Variants in SOCS5 observed in about 807,000 individuals in gnomAD.
SOCS5 encodes CIS-6.
A neutral mutation model predicts 42.8 loss-of-function variants in SOCS5; 32 were observed. The observed-to-expected ratio is 0.75, with a 90% CI of 0.56 to 1.01. The LOEUF is 1.01. Ranked by LOEUF, SOCS5 falls within the 50% of genes least tolerant of loss-of-function variation. SOCS5 has a pLI of 0.00. For synonymous variants in SOCS5, 283 were observed against 229.6 expected (o/e 1.23, Z -2.10); for missense variants, 627 against 653.0 (o/e 0.96, Z 0.43).
intron 1 of SOCS5, among the ~76,000 whole-genome samples, chr2:46,729,540 A>G (rs564912005): frequency 2.6e-5 from 4 of 152,346 alleles, no homozygotes; most frequent in South Asian, 2.1e-4. Context: ...TTGTATCACA[A>G]TGGTAAGTAT....
At chr2:46,746,312 C>G (rs565452664) in intron 1 of SOCS5, among the ~76,000 whole-genome samples, 9 of 152,244 alleles carry the variant, frequency 5.9e-5, no homozygotes, top group African/African-American at 1.9e-4. Context: ...TCTAGAATAT[C>G]TAGCATGTTT....
intron 1 of SOCS5, among the ~76,000 whole-genome samples, chr2:46,734,051 C>T (rs1042592366): frequency 6.6e-6 from 1 of 152,144 alleles, no homozygotes; most frequent in Non-Finnish European, 1.5e-5. Flanking sequence ...TTGGAATTTT[C>T]TGATCTTTGA....
intron 1 of SOCS5, among the ~76,000 whole-genome samples, chr2:46,708,608 A>G (rs867811485): frequency 1.3e-5 from 2 of 152,188 alleles, no homozygotes; most frequent in Non-Finnish European, 2.9e-5. Context: ...CATAATATTT[A>G]CCTATTACCC....
intron 1 of SOCS5, among the ~76,000 whole-genome samples, chr2:46,703,374 G>A (rs6746471): frequency 0.76 from 114,528 of 151,474 alleles, 44,075 homozygotes; most frequent in African/African-American, 0.89. Flanking sequence ...TTTCACTGAT[G>A]CAGAATTTTA....
chr2:46,743,588 G>T (rs1010733442), intron 1 of SOCS5, among the ~76,000 whole-genome samples: 5 of 152,040 alleles, frequency 3.3e-5, no homozygotes, highest in Admixed American at 6.5e-5. Flanking sequence ...CCTGTATTTT[G>T]TGCTGACCTC....
intron 1 of SOCS5, among the ~76,000 whole-genome samples, chr2:46,704,713 A>G (rs144574154): frequency 9.4e-4 from 143 of 152,312 alleles, no homozygotes; most frequent in African/African-American, 3.2e-3. Context: ...TTGGCCTCTT[A>G]TCCTTGGTTC....
chr2:46,726,752 T>G (rs1186316839), intron 1 of SOCS5, among the ~76,000 whole-genome samples: 1 of 149,962 alleles, frequency 6.7e-6, no homozygotes, highest in Non-Finnish European at 1.5e-5. Context: ...ATTATTATTA[T>G]TATTATTATT....
In SOCS5 at chr2:46,761,154, T is replaced by G. The variant is rs1330548968; in HGVS notation, c.*1013T>G. ...ATTTATAGAATTTCAGTGCAGTTCA[T>G]TCTTAATGGAAAATCTGAAACCTAA... On this transcript the variant is annotated 3_prime_UTR_variant, in exon 2 of 2. Transcript: ENST00000394861. The G allele has an allele frequency of 6.0e-6, 1 of 167,136 alleles. No homozygotes were observed. The highest frequency in any genetic ancestry group is 2.4e-5 in the African/African-American group (1 of 41,472). 10.4% of individuals were successfully genotyped at this position (167,136 alleles called of 1,614,324 possible).
chr2:46,711,141 T>C (rs1217698110), intron 1 of SOCS5, among the ~76,000 whole-genome samples: 1 of 152,214 alleles, frequency 6.6e-6, no homozygotes, highest in Non-Finnish European at 1.5e-5. Context: ...TTTTGTGACA[T>C]GTTTTCTTTT....
intron 1 of SOCS5, among the ~76,000 whole-genome samples, chr2:46,744,673 G>A (rs1673459485): frequency 6.6e-6 from 1 of 151,714 alleles, no homozygotes; most frequent in Non-Finnish European, 1.5e-5. Context: ...GATTACAGGC[G>A]CATGCCCCCA....
chr2:46,724,066 A>C (rs554683333), intron 1 of SOCS5, among the ~76,000 whole-genome samples: 1 of 152,162 alleles, frequency 6.6e-6, no homozygotes, highest in African/African-American at 2.4e-5. Context: ...CATTGGTAAT[A>C]TATAAAAATA....
chr2:46,726,316 TA>T (rs1672988938), intron 1 of SOCS5, among the ~76,000 whole-genome samples: 1 of 152,102 alleles, frequency 6.6e-6, no homozygotes, highest in African/African-American at 2.4e-5. Flanking sequence ...CAGACTGATC[TA>T]AAACTCCTAA....
chr2:46,728,782 C>T (rs1028289482), intron 1 of SOCS5, among the ~76,000 whole-genome samples: 11 of 152,200 alleles, frequency 7.2e-5, no homozygotes, highest in African/African-American at 2.4e-4. Context: ...TCTTGAACTC[C>T]TGACCTCAAA....
intron 1 of SOCS5, among the ~76,000 whole-genome samples, chr2:46,718,011 C>A (rs1020807286): frequency 6.6e-6 from 1 of 152,182 alleles, no homozygotes; most frequent in Non-Finnish European, 1.5e-5. Context: ...CTCCCTTCTT[C>A]TAGTTTTGCT....
intron 1 of SOCS5, among the ~76,000 whole-genome samples, chr2:46,725,061 A>G (rs540913862): frequency 5.3e-4 from 80 of 152,060 alleles, no homozygotes; most frequent in African/African-American, 1.8e-3. Context: ...AGGTGCATAC[A>G]CATTTAGGAT....
chr2:46,712,730 G>A (rs1362157570), intron 1 of SOCS5, among the ~76,000 whole-genome samples: 2 of 152,178 alleles, frequency 1.3e-5, no homozygotes. Context: ...GAATTACATT[G>A]ATTGGTATTT....
intron 1 of SOCS5, among the ~76,000 whole-genome samples, chr2:46,709,308 G>A (rs770837895): frequency 6.6e-6 from 1 of 152,152 alleles, no homozygotes; most frequent in East Asian, 1.9e-4. Flanking sequence ...AATCTTTTCA[G>A]TTCTCCCCCA....
intron 1 of SOCS5, among the ~76,000 whole-genome samples, chr2:46,736,845 T>A (rs1288854108): frequency 6.6e-6 from 1 of 151,198 alleles, no homozygotes; most frequent in Middle Eastern, 3.2e-3. Flanking sequence ...ATTTCAGATT[T>A]TTTTTTTTTT....
chr2:46,746,511 C>T (rs757523059), intron 1 of SOCS5, among the ~76,000 whole-genome samples: 6 of 151,878 alleles, frequency 4.0e-5, no homozygotes, highest in East Asian at 3.9e-4. Flanking sequence ...ATTAGCCAGG[C>T]GTGGTGGCGG....
Sources: allele counts gnomAD v4.1 joint callset (sites outside exome capture counted in the v4.1 genomes callset), GRCh38; gene constraint gnomAD v4.1.1; transcripts MANE v1.5; gene names NCBI Gene and HGNC (gene_info 2026-07-23, HGNC 2026-07-21).